The following NID1 variants were observed in gnomAD, a reference collection of about 807,000 sequenced individuals.
NID1 encodes the protein nidogen-1.
In NID1, 76 loss-of-function variants were observed where a neutral mutation model predicts 130.6. The observed-to-expected ratio is 0.58, with a 90% CI of 0.48 to 0.70. The LOEUF (loss-of-function observed/expected upper bound fraction) is 0.70, where lower values mean the gene tolerates loss of function less well. Among genes scored for constraint, NID1 ranks in the 30% least tolerant of loss-of-function variants. The pLI, the probability that NID1 is intolerant of heterozygous loss-of-function variation, is 0.00. For synonymous variants in NID1, 665 were observed against 675.1 expected, an observed-to-expected ratio of 0.98 and a Z score of 0.23; for missense variants, 1,517 against 1,664.8, an observed-to-expected ratio of 0.91 and a Z score of 1.54.
chr1:236,046,841 C>T (rs1027977328), intron 2 of NID1, among the ~76,000 whole-genome samples: 7 of 152,230 alleles, frequency 4.6e-5, no homozygotes, highest in African/African-American at 1.7e-4. Context: ...ATGTGTCATG[C>T]AGGCCCCTAA....
intron 4 of NID1, among the ~76,000 whole-genome samples, chr1:236,041,365 C>G (rs999616968): frequency 5.9e-5 from 9 of 152,192 alleles, no homozygotes; most frequent in Admixed American, 4.6e-4. Context: ...CACCCCCGAC[C>G]CTATTTTTTT....
chr1:236,059,666 T>C (rs1659988321), intron 1 of NID1, among the ~76,000 whole-genome samples: 1 of 152,168 alleles, frequency 6.6e-6, no homozygotes, highest in Admixed American at 6.5e-5. Flanking sequence ...AAAGGATTAG[T>C]AAATAAAGCT....
chr1:236,040,662 C>CTTTTTTTTT (rs36050664), intron 4 of NID1, among the ~76,000 whole-genome samples: 3 of 143,424 alleles, frequency 2.1e-5, no homozygotes, highest in Non-Finnish European at 1.5e-5. Flanking sequence ...GTTGGAACAT[C>CTTTTTTTTT]TTTTTTTTTT....
At chr1:236,063,610 A>G (rs1044761830) in intron 1 of NID1, among the ~76,000 whole-genome samples, 2 of 151,758 alleles carry the variant, frequency 1.3e-5, no homozygotes, top group Non-Finnish European at 2.9e-5. Flanking sequence ...CATCTTGTGG[A>G]TTTTATTTTA....
intron 12 of NID1, among the ~76,000 whole-genome samples, chr1:236,008,832 A>G (rs1658326585): frequency 6.6e-6 from 1 of 151,846 alleles, no homozygotes. Context: ...ACACCTGGCT[A>G]ATTTTGTATT....
At chr1:236,029,868 GCTGTAGAACATAGAA>G in intron 6 of NID1, 118 bp from the exon 7 acceptor site, 1 of 901,018 alleles carries the variant, frequency 1.1e-6, no homozygotes, top group East Asian at 2.6e-5. Context: ...CTTTGGTTTG[GCTGTAGAACATAGAA>G]CTGGTGACAC....
At chr1:236,018,821 C>G (rs183004824) in intron 9 of NID1, among the ~76,000 whole-genome samples, 1 of 152,300 alleles carries the variant, frequency 6.6e-6, no homozygotes, top group East Asian at 1.9e-4. Context: ...GCTCTTCTCC[C>G]CCTCATAAAT....
chr1:236,017,615 A>G (rs1658639314), intron 9 of NID1, among the ~76,000 whole-genome samples: 2 of 152,116 alleles, frequency 1.3e-5, no homozygotes, highest in South Asian at 4.1e-4. Flanking sequence ...CAAACTCCTG[A>G]CCTCGTGATC....
chr1:236,038,126 A>G lies in NID1; in HGVS notation c.1263T>C (p.Asn421=). The G allele has an allele frequency of 6.2e-7, 1 of 1,603,416 alleles. No individual in the cohort carries two copies. Among genetic ancestry groups the G allele is most frequent in the South Asian group, 1.1e-5 (1 of 90,464 alleles). The change falls in exon 5 of 20, where the codon AAT becomes AAC. Residue 421 remains asparagine (N), a synonymous_variant. Transcript: ENST00000264187. ...TACCTTCTGCAACACATTGCCTGCCATTGCCCGTATAGCCAGCGACACAGC... is the reference window on the plus strand; with the variant it reads ...TACCTTCTGCAACACATTGCCTGCCGTTGCCCGTATAGCCAGCGACACAGC... The part of the protein sequence containing the change: ...CCSCVAGYTG[N]GRQCVAEGSP...
At chr1:236,035,017 A>G (rs1659213255) in intron 5 of NID1, among the ~76,000 whole-genome samples, 1 of 132,644 alleles carries the variant, frequency 7.5e-6, no homozygotes, top group Non-Finnish European at 1.6e-5. Context: ...TTATACTTTA[A>G]GTTTTAGGGT....
intron 16 of NID1, 27 bp downstream of exon 16, chr1:235,981,584 T>C: frequency 1.9e-6 from 3 of 1,595,948 alleles, no homozygotes; most frequent in Non-Finnish European, 2.6e-6. Context: ...ATCAAAGAGA[T>C]GCACACACAT....
At chr1:236,014,100 A>T (rs1184195183) in intron 10 of NID1, among the ~76,000 whole-genome samples, 1 of 152,130 alleles carries the variant, frequency 6.6e-6, no homozygotes, top group African/African-American at 2.4e-5. Flanking sequence ...AGGCAGGGAG[A>T]CAGCTATGGT....
chr1:236,003,981 A>T (rs1658161425), intron 12 of NID1, among the ~76,000 whole-genome samples: 2 of 147,916 alleles, frequency 1.4e-5, no homozygotes, highest in South Asian at 4.4e-4. Flanking sequence ...TGCAGTGAGC[A>T]GAGATTGCGC....
chr1:236,050,018 A>G (rs1434145593), intron 1 of NID1, among the ~76,000 whole-genome samples: 1 of 150,720 alleles, frequency 6.6e-6, no homozygotes, highest in African/African-American at 2.5e-5. Context: ...CCTGGGCAAC[A>G]GAGCAAGACT....
At chr1:236,049,093 T>C in intron 1 of NID1, 104 bp from the exon 2 acceptor site, 1 of 1,203,478 alleles carries the variant, frequency 8.3e-7, no homozygotes, top group South Asian at 1.4e-5. Flanking sequence ...CCATGCTGTG[T>C]AGAATACAAC....
intron 13 of NID1, among the ~76,000 whole-genome samples, chr1:235,992,457 C>G (rs1046667350): frequency 6.6e-6 from 1 of 152,186 alleles, no homozygotes; most frequent in Non-Finnish European, 1.5e-5. Flanking sequence ...TGCTCCAAAC[C>G]CATCCCAGGC....
At chr1:236,008,395 C>T (rs545955708) in intron 12 of NID1, among the ~76,000 whole-genome samples, 1 of 152,306 alleles carries the variant, frequency 6.6e-6, no homozygotes, top group African/African-American at 2.4e-5. Context: ...ACAGTAAGTA[C>T]CAAATAAGTG....
chr1:236,017,077 C>A, intron 10 of NID1, 71 bp downstream of exon 10: 5 of 1,601,712 alleles, frequency 3.1e-6, no homozygotes, highest in Non-Finnish European at 4.3e-6. Context: ...TTACCTGGGA[C>A]CAGAACTTTT....
At position 236,048,810 on chromosome 1, in the gene NID1, T is replaced by C. The variant is rs1659684441; in HGVS notation, c.405A>G (p.Ala135=). 8 of 1,614,146 alleles carry C rather than the reference T, an allele frequency of 5.0e-6. No homozygotes were observed. The highest frequency in any genetic ancestry group is 1.7e-4 in the Middle Eastern group (1 of 6,054). The stretch of plus-strand genomic sequence containing the variant: ...CCGGGAACCCTCTGTGGACACACTC[T>C]GCTGCTCGCTGAGTGATGGAGGGGG... ...DLSPSITQRA[A]ECVHRGFPEI... Residue 135 remains alanine, a synonymous_variant, in exon 2 of 20, where the codon GCA becomes GCG. Transcript: ENST00000264187.
Sources: gnomAD v4.1 joint callset for allele counts (sites outside exome capture counted in the v4.1 genomes callset) on GRCh38, gnomAD v4.1.1 for gene constraint, MANE v1.5 for transcripts, NCBI Gene and HGNC (gene_info 2026-07-23, HGNC 2026-07-21) for gene names.